THRB: variants seen among roughly 807,000 people sequenced by gnomAD.
THRB encodes the protein nuclear receptor subfamily 1 group A member 2.
Under a neutral mutation model 47.8 loss-of-function variants are expected in THRB, and 12 were observed. The observed-to-expected ratio is 0.25, with a 90% CI of 0.16 to 0.41. The LOEUF (loss-of-function observed/expected upper bound fraction) is 0.41. Among genes scored for constraint, THRB ranks in the 10% least tolerant of loss-of-function variants. THRB has a pLI of 1.00. For missense variants in THRB, 348 were observed against 589.2 expected (o/e 0.59, Z 4.24); for synonymous variants, 218 against 212.2 (o/e 1.03, Z -0.24).
chr3:24,172,112 CTGTG>C (rs1216857115), intron 5 of THRB, among the ~76,000 whole-genome samples: 1 of 152,166 alleles, frequency 6.6e-6, no homozygotes, highest in Non-Finnish European at 1.5e-5. Context: ...TCATAGAACC[CTGTG>C]TGTATCTTGT....
intron 1 of THRB, among the ~76,000 whole-genome samples, chr3:24,448,999 A>G (rs1230017951): frequency 6.6e-6 from 1 of 152,232 alleles, no homozygotes; most frequent in African/African-American, 2.4e-5. Context: ...AGACAGAAGG[A>G]AGTCAAAGCA....
intron 5 of THRB, among the ~76,000 whole-genome samples, chr3:24,179,929 A>C (rs1172697353): frequency 6.6e-6 from 1 of 152,240 alleles, no homozygotes; most frequent in East Asian, 1.9e-4. Context: ...AAGAATGAGC[A>C]TGTCGTGTGT....
At chr3:24,233,595 G>GAAAGAAATAAAGAAAGAAAAAT in intron 3 of THRB, among the ~76,000 whole-genome samples, 1 of 143,966 alleles carries the variant, frequency 6.9e-6, no homozygotes, top group Non-Finnish European at 1.5e-5. Flanking sequence ...AAGAAAGAAA[G>GAAAGAAATAAAGAAAGAAAAAT]AAAGAAAGAA....
chr3:24,446,757 G>A (rs777843993), intron 1 of THRB, among the ~76,000 whole-genome samples: 11 of 152,144 alleles, frequency 7.2e-5, no homozygotes, highest in Non-Finnish European at 1.6e-4. Flanking sequence ...GAAATATAAT[G>A]TGAGAGTGGG....
intron 1 of THRB, among the ~76,000 whole-genome samples, chr3:24,379,166 A>G (rs1459341380): frequency 3.9e-5 from 6 of 152,160 alleles, no homozygotes; most frequent in Non-Finnish European, 4.4e-5. Context: ...ATACATATTC[A>G]TAGATGCATT....
intron 3 of THRB, among the ~76,000 whole-genome samples, chr3:24,247,143 T>C (rs543290283): frequency 6.6e-6 from 1 of 152,332 alleles, no homozygotes; most frequent in African/African-American, 2.4e-5. Context: ...GAGTTTCTAT[T>C]TGTTGTGTTC....
intron 1 of THRB, among the ~76,000 whole-genome samples, chr3:24,380,206 A>T (rs940804824): frequency 6.7e-6 from 1 of 149,070 alleles, no homozygotes; most frequent in Non-Finnish European, 1.5e-5. Flanking sequence ...CCCTCTCTTC[A>T]TTTTTCCTGC....
intron 3 of THRB, among the ~76,000 whole-genome samples, chr3:24,269,276 ACCACACACACACACACACAC>A (rs1388636305): frequency 0.015 from 1,641 of 107,722 alleles, 22 homozygotes; most frequent in African/African-American, 0.057. Flanking sequence ...AAATGGATAC[ACCACACACACACACACACAC>A]ACACACACAC....
chr3:24,345,603 A>G (rs776322371), intron 1 of THRB, among the ~76,000 whole-genome samples: 5 of 152,116 alleles, frequency 3.3e-5, no homozygotes, highest in Non-Finnish European at 5.9e-5. Context: ...GTTCAATATT[A>G]AAAATGTATA....
intron 1 of THRB, among the ~76,000 whole-genome samples, chr3:24,432,000 C>T (rs2070474868): frequency 6.6e-6 from 1 of 151,898 alleles, no homozygotes; most frequent in Non-Finnish European, 1.5e-5. Flanking sequence ...AAAACTCATC[C>T]AAATGATAAA....
At chr3:24,361,946 G>C (rs1332118819) in intron 1 of THRB, among the ~76,000 whole-genome samples, 1 of 151,982 alleles carries the variant, frequency 6.6e-6, no homozygotes, top group Non-Finnish European at 1.5e-5. Flanking sequence ...CATAAAGCAA[G>C]AATAAAAGAG....
intron 5 of THRB, among the ~76,000 whole-genome samples, chr3:24,182,144 T>TG (rs2041981443): frequency 6.6e-6 from 1 of 152,040 alleles, no homozygotes; most frequent in African/African-American, 2.4e-5. Flanking sequence ...GAGCTTGCAG[T>TG]GAGCCGAGAT....
chr3:24,375,368 T>G (rs9868752), intron 1 of THRB, among the ~76,000 whole-genome samples: 164 of 138,844 alleles, frequency 1.2e-3, no homozygotes, highest in East Asian at 5.7e-3. Flanking sequence ...ATATATTATA[T>G]TTAGACATAT....
intron 1 of THRB, among the ~76,000 whole-genome samples, chr3:24,465,680 A>C (rs1321401944): frequency 1.3e-5 from 2 of 152,182 alleles, no homozygotes; most frequent in Non-Finnish European, 2.9e-5. Flanking sequence ...CTGGTATTAC[A>C]TACTTGAGTC....
chr3:24,208,273 C>CTAAGGTATA (rs2045622403), intron 4 of THRB, among the ~76,000 whole-genome samples: 2 of 152,038 alleles, frequency 1.3e-5, no homozygotes, highest in Non-Finnish European at 2.9e-5. Flanking sequence ...GCCATACTGC[C>CTAAGGTATA]CAAGGTAATT....
chr3:24,444,787 G>A (rs1160220530), intron 1 of THRB, among the ~76,000 whole-genome samples: 1 of 152,034 alleles, frequency 6.6e-6, no homozygotes, highest in Admixed American at 6.6e-5. Flanking sequence ...GTTTCACCAT[G>A]TTGGTCAGGC....
intron 1 of THRB, among the ~76,000 whole-genome samples, chr3:24,342,575 G>A (rs1172947005): frequency 1.3e-5 from 2 of 152,098 alleles, no homozygotes; most frequent in Admixed American, 6.6e-5. Context: ...TCAGTCCTCC[G>A]ATCTTCCTCC....
chr3:24,383,526 TG>T (rs1257905030), intron 1 of THRB, among the ~76,000 whole-genome samples: 1 of 152,140 alleles, frequency 6.6e-6, no homozygotes, highest in Non-Finnish European at 1.5e-5. Context: ...ACTACTTTCT[TG>T]TTGATGACAC....
intron 1 of THRB, among the ~76,000 whole-genome samples, chr3:24,434,049 T>A (rs1253549332): frequency 6.6e-6 from 1 of 152,140 alleles, no homozygotes; most frequent in African/African-American, 2.4e-5. Context: ...TGATGGTTTA[T>A]CTTGTAGCTA....
Sources: gnomAD v4.1 joint callset for allele counts (sites outside exome capture counted in the v4.1 genomes callset) on GRCh38, gnomAD v4.1.1 for gene constraint, MANE v1.5 for transcripts, NCBI Gene and HGNC (gene_info 2026-07-23, HGNC 2026-07-21) for gene names.